PACSIN3: variants seen among roughly 807,000 people sequenced by gnomAD.
The protein encoded by PACSIN3 is protein kinase C and casein kinase substrate in neurons 3.
A neutral mutation model predicts 56.1 loss-of-function variants in PACSIN3; 34 were observed. The observed-to-expected ratio is 0.61, with a 90% CI of 0.46 to 0.81. The LOEUF is 0.81. PACSIN3 is among the 30% of genes least tolerant of loss of function. The pLI is 0.00. For synonymous variants in PACSIN3, 218 were observed against 229.8 expected (o/e 0.95, Z 0.46); for missense variants, 535 against 592.4 (o/e 0.90, Z 1.01).
chr11:47,182,530 C>A lies in PACSIN3; in HGVS notation c.84G>T (p.Arg28=), dbSNP rs759468371. 6.2e-7 allele frequency: 1 copy of A among 1,613,002 alleles called. No individual in the cohort carries two copies. The highest frequency in any genetic ancestry group is 8.5e-7 in the Non-Finnish European group (1 of 1,179,624). ...CGCACAGCCGGTGCCCGTCCTCCAC[C>A]CGCTGTACCGTGCGCCTGTAGTTGC... ...EAGNYRRTVQ[R]VEDGHRLCGD... The change falls in exon 4 of 11, where the codon CGG becomes CGT. Residue 28 remains arginine, a synonymous_variant. Transcript: ENST00000298838.
At position 47,180,578 on chromosome 11, in the gene PACSIN3, C is replaced by A. The variant is rs1463781841; in HGVS notation, c.324G>T (p.Glu108Asp). The change falls in exon 5 of 11, where the codon GAG (glutamate) becomes GAT (aspartate). Residue 108 changes from glutamate to aspartate, a missense_variant. By Grantham distance (45) the Glu-to-Asp change is conservative. Coordinates refer to ENST00000298838, the MANE Select transcript of PACSIN3 (RefSeq NM_016223.5). ...VREKLQGQDS[E>D]RVRAWQRGAF... is the part of the protein sequence containing the mutation. ...CCCCCCGCTGCCAGGCGCGCACCCG[C>A]TCACTGTCCTGCCCTTGCAGCTTCT... is the stretch of plus-strand genomic sequence containing the variant. 1.2e-6 allele frequency: 2 copies of A among 1,604,560 alleles called. No homozygotes were observed. The highest frequency in any genetic ancestry group is 1.7e-5 in the Admixed American group (1 of 59,986).
At chr11:47,182,636 C>T (rs1953049638) in intron 3 of PACSIN3, 38 bp downstream of exon 3, 1 of 1,607,224 alleles carries the variant, frequency 6.2e-7, no homozygotes, top group Non-Finnish European at 8.5e-7. Flanking sequence ...GGGCTCCTCC[C>T]CTAGACAAGT....
At chr11:47,184,112 T>C (rs1350545052) in intron 1 of PACSIN3, among the ~76,000 whole-genome samples, 1 of 151,958 alleles carries the variant, frequency 6.6e-6, no homozygotes, top group Non-Finnish European at 1.5e-5. Flanking sequence ...CAGTGGCATG[T>C]GGCTGCTCCC....
Position 47,177,770 on chromosome 11 carries a change from G to C in PACSIN3, c.*161C>G, listed in dbSNP as rs1952909473. Reference sequence around the variant, plus strand: ...CCCTTCCCTACCAGTCCCTTCCCTAGACAAAGGCCCCTCCCCTCCCTGGGT... The same window carrying C: ...CCCTTCCCTACCAGTCCCTTCCCTACACAAAGGCCCCTCCCCTCCCTGGGT... On this transcript the variant is annotated 3_prime_UTR_variant, in exon 11 of 11. Transcript: ENST00000298838. The C allele has an allele frequency of 1.5e-6, 1 of 660,892 alleles. No individual in the cohort carries two copies. Among genetic ancestry groups the C allele is most frequent in the South Asian group, 1.7e-5 (1 of 59,174 alleles). The allele number at this position is 660,892 out of a possible 1,614,324, so 40.9% of individuals were successfully genotyped here.
In PACSIN3 at chr11:47,186,343, A is replaced by G. The variant is rs1953119991; in HGVS notation, c.-104+6T>C. On this transcript the variant is annotated splice_donor_region_variant and intron_variant, in intron 1 of 10. Coordinates refer to ENST00000298838, the MANE Select transcript of PACSIN3 (RefSeq NM_016223.5). This position sits in a 1 kb window ranked among gnomAD's most constrained non-coding sequence, Gnocchi z 4.5. ...CCTACCCGCGCGTCCCCTCCAGGGC[A>G]CTCACCGCGTCCTCCCTGGGCCCCT... is the stretch of plus-strand genomic sequence containing the variant. 6.6e-6 allele frequency: 1 copy of G among 151,002 alleles called. No homozygotes were observed. Among genetic ancestry groups the G allele is most frequent in the African/African-American group, 2.4e-5 (1 of 40,982 alleles). 9.4% of individuals were successfully genotyped at this position (151,002 alleles called of 1,614,324 possible).
Position 47,180,236 on chromosome 11 carries a change from G to T in PACSIN3, c.553C>A (p.Leu185Met). Residue 185 changes from leucine to methionine, a missense_variant, in exon 6 of 11, where the codon CTG becomes ATG. Physicochemically the swap from Leu to Met is conservative, Grantham distance 15. Coordinates refer to ENST00000298838, the MANE Select transcript of PACSIN3 (RefSeq NM_016223.5). The part of the protein sequence containing the change: ...KADSAVSQEQ[L>M]RKLQERVERC... ...TCCACCCGTTCCTGCAGTTTGCGCAGCTGCTCCTGGGAGACGGCGCTGTCT... is the reference window on the plus strand; with the variant it reads ...TCCACCCGTTCCTGCAGTTTGCGCATCTGCTCCTGGGAGACGGCGCTGTCT... 6.2e-7 allele frequency: 1 copy of T among 1,603,872 alleles called. No homozygotes were observed.
Position 47,180,291 on chromosome 11 carries a change from G to C in PACSIN3, c.498C>G (p.Thr166=). ...TTGCGTGGCTCTCCCTCGTCTGGGC[G>C]GTCTTCTCATCCTTCCGGGCTGCGT... The part of the protein sequence containing the change: ...SYHAARKDEK[T]AQTRESHAKA... Residue 166 remains threonine (T), a synonymous_variant, in exon 6 of 11, where the codon ACC becomes ACG. Transcript: ENST00000298838. 1 of 1,603,116 alleles carries C rather than the reference G, an allele frequency of 6.2e-7. No homozygotes were observed. The highest frequency in any genetic ancestry group is 8.5e-7 in the Non-Finnish European group (1 of 1,179,960).
At position 47,186,422 on chromosome 11, in the gene PACSIN3, C is replaced by G. The variant is rs1953121828; in HGVS notation, c.-177G>C. 1 of 151,156 alleles carries G rather than the reference C, an allele frequency of 6.6e-6. No individual in the cohort carries two copies. Among genetic ancestry groups the G allele is most frequent in the East Asian group, 1.9e-4 (1 of 5,134 alleles). 9.4% of individuals were successfully genotyped at this position (151,156 alleles called of 1,614,324 possible). A position where few individuals can be genotyped will look rare whatever the true frequency, so the allele number is the denominator to read the frequency against. On this transcript the variant is annotated 5_prime_UTR_variant, in exon 1 of 11. Transcript: ENST00000298838. The surrounding 1 kb of genome is among the most constrained non-coding windows in gnomAD (Gnocchi z 4.5). ...GCCCGAGTCCTGCCGCTCCTGGGCCCGCGCCGCGGCCTCCCGGAGCGCGCC... is the reference window on the plus strand; with the variant it reads ...GCCCGAGTCCTGCCGCTCCTGGGCCGGCGCCGCGGCCTCCCGGAGCGCGCC...
chr11:47,179,430 C>A lies in PACSIN3; in HGVS notation c.760G>T (p.Asp254Tyr), dbSNP rs1249900268. Residue 254 changes from aspartate to tyrosine, a missense_variant, in exon 7 of 11, where the codon GAC (aspartate) becomes TAC (tyrosine). Coordinates refer to ENST00000298838, the MANE Select transcript of PACSIN3 (RefSeq NM_016223.5). The surrounding 1 kb of genome is among the most constrained non-coding windows in gnomAD (Gnocchi z 4.4). The stretch of plus-strand genomic sequence containing the variant: ...TCATACTTCTCACTGCTGGAAAGGT[C>A]CAGGTGCTGGTGTAAGGTGAGCAGC... ...DMLLTLHQHLDLSSSEKFHEL... is the reference protein window; with the variant it reads ...DMLLTLHQHLYLSSSEKFHEL... The A allele has an allele frequency of 1.2e-6, 2 of 1,613,984 alleles. No homozygotes were observed.
At chr11:47,184,004 G>A (rs1203339704) in intron 1 of PACSIN3, among the ~76,000 whole-genome samples, 2 of 150,506 alleles carry the variant, frequency 1.3e-5, no homozygotes, top group Admixed American at 1.3e-4. Flanking sequence ...GCAACAGAGT[G>A]AGACTGTCTC....
chr11:47,181,591 A>G (rs530285394), intron 4 of PACSIN3, among the ~76,000 whole-genome samples: 1 of 152,328 alleles, frequency 6.6e-6, no homozygotes, highest in South Asian at 2.1e-4. Context: ...TGGGAGGCCA[A>G]GGAGAAAGGA....
At position 47,177,908 on chromosome 11, in the gene PACSIN3, T is replaced by C. The variant is rs367725220; in HGVS notation, c.*23A>G. 1.9e-6 allele frequency: 3 copies of C among 1,581,500 alleles called. No homozygotes were observed. The highest frequency in any genetic ancestry group is 2.6e-6 in the Non-Finnish European group (3 of 1,150,648). ...GGCTCTGAACCAGGGTGGGTAAACGTTGCAGAAGGGCTGTCAGGACACTCA... is the reference window on the plus strand; with the variant it reads ...GGCTCTGAACCAGGGTGGGTAAACGCTGCAGAAGGGCTGTCAGGACACTCA... On this transcript the variant is annotated 3_prime_UTR_variant, in exon 11 of 11. Transcript: ENST00000298838.
intron 1 of PACSIN3, among the ~76,000 whole-genome samples, chr11:47,183,703 A>G (rs1953070360): frequency 6.6e-6 from 1 of 152,260 alleles, no homozygotes; most frequent in Admixed American, 6.5e-5. Context: ...AGCATGGGGA[A>G]GTGAGAAGCG....
chr11:47,182,406 T>G lies in PACSIN3; in HGVS notation c.208A>C (p.Lys70Gln). The G allele has an allele frequency of 6.3e-7, 1 of 1,596,386 alleles. No homozygotes were observed. Among genetic ancestry groups the G allele is most frequent in the Non-Finnish European group, 8.5e-7 (1 of 1,177,170 alleles). The change falls in exon 4 of 11, where the codon AAG (lysine) becomes CAG (glutamine). Residue 70 changes from lysine to glutamine, a missense_variant. Coordinates refer to ENST00000298838, the MANE Select transcript of PACSIN3 (RefSeq NM_016223.5). ...WARKWRGTVE[K>Q]GPQYGTLEKA... ...CCCCTGCGAGGGCCTGGCTCACCCT[T>G]CTCCACGGTCCCCCTCCACTTTCGG...
chr11:47,179,308 A>G lies in PACSIN3; in HGVS notation c.780-29T>C. ...TGACCCAAGGCACACCCCTCAGTCT[A>G]GGAAGTCTAGACCCTGCATCCCTCA... On this transcript the variant is annotated intron_variant, in intron 7 of 10. Transcript: ENST00000298838. The surrounding 1 kb of genome is among the most constrained non-coding windows in gnomAD (Gnocchi z 4.4). 1 of 1,614,016 alleles carries G rather than the reference A, an allele frequency of 6.2e-7. No individual in the cohort carries two copies. The highest frequency in any genetic ancestry group is 8.5e-7 in the Non-Finnish European group (1 of 1,180,028).
rs4635041 is a variant in PACSIN3 at position 47,186,151 on chromosome 11, A to G, written c.-104+198T>C. The stretch of plus-strand genomic sequence containing the variant: ...CCCCCGGGCGGCCTGCGGAATTGCG[A>G]AGCCCGCGGCACCGCAGATGGGACG... On this transcript the variant is annotated intron_variant, in intron 1 of 10. Coordinates refer to ENST00000298838, the MANE Select transcript of PACSIN3 (RefSeq NM_016223.5). The surrounding 1 kb of genome is among the most constrained non-coding windows in gnomAD (Gnocchi z 4.5). 1 allele frequency among the ~76,000 whole-genome samples: 151,938 copies of G among 152,046 alleles called. 75,916 individuals carry two copies. Among genetic ancestry groups the G allele is most frequent in the Middle Eastern group, 1 (292 of 292 alleles).
rs1161282890 is a variant in PACSIN3, at chr11:47,177,595, G to T, written c.*336C>A. ...CTAGAACAAGCCACAAGAGGGTGCT[G>T]CTAGGCCAGAACTACACTCACCCCA... On this transcript the variant is annotated 3_prime_UTR_variant, in exon 11 of 11. Transcript: ENST00000298838. 5.7e-6 allele frequency: 2 copies of T among 349,712 alleles called. No individual in the cohort carries two copies. Among genetic ancestry groups the T allele is most frequent in the Non-Finnish European group, 1.1e-5 (2 of 189,694 alleles). The allele number at this position is 349,712 out of a possible 1,614,324, so 21.7% of individuals were successfully genotyped here.
Position 47,177,847 on chromosome 11 carries a change from C to G in PACSIN3, c.*84G>C, listed in dbSNP as rs111568595. On this transcript the variant is annotated 3_prime_UTR_variant, in exon 11 of 11. Transcript: ENST00000298838. ...GAGGAGCAGCCAGAGAGCGACGGTTCAGGGCCCTGAGGGTCCGGCTCTCCA... is the reference window on the plus strand; with the variant it reads ...GAGGAGCAGCCAGAGAGCGACGGTTGAGGGCCCTGAGGGTCCGGCTCTCCA... 1 of 1,063,432 alleles carries G rather than the reference C, an allele frequency of 9.4e-7. No homozygotes were observed. Among genetic ancestry groups the G allele is most frequent in the African/African-American group, 1.6e-5 (1 of 64,428 alleles). 65.9% of individuals were successfully genotyped at this position (1,063,432 alleles called of 1,614,324 possible). A position where few individuals can be genotyped will look rare whatever the true frequency, so the allele number is the denominator to read the frequency against.
rs1380554097 is a variant in PACSIN3 at position 47,177,526 on chromosome 11, GTT to G, written c.*403_*404del. 1.5e-5 allele frequency: 3 copies of G among 195,636 alleles called. No individual in the cohort carries two copies. The highest frequency in any genetic ancestry group is 9.3e-5 in the South Asian group (1 of 10,770). 12.1% of individuals were successfully genotyped at this position (195,636 alleles called of 1,614,324 possible). ...AAATGCACATGAGCCCGACAGTGGT[GTT>G]TTTGTTTTTGTGTGTGGGTGTGTGT... is the stretch of plus-strand genomic sequence containing the variant. On this transcript the variant is annotated 3_prime_UTR_variant, in exon 11 of 11. Coordinates refer to ENST00000298838, the MANE Select transcript of PACSIN3 (RefSeq NM_016223.5).
Sources: gnomAD v4.1 joint callset for allele counts (sites outside exome capture counted in the v4.1 genomes callset) on GRCh38, gnomAD v4.1.1 for gene constraint, Gnocchi (gnomAD v3.1) non-coding constraint, MANE v1.5 for transcripts, NCBI Gene and HGNC (gene_info 2026-07-23, HGNC 2026-07-21) for gene names.